Variants in STK35 observed in about 807,000 individuals in gnomAD.
STK35 encodes serine/threonine kinase 35.
A neutral mutation model predicts 37.3 loss-of-function variants in STK35; 17 were observed. That is an observed-to-expected ratio of 0.46 (90% CI 0.31 to 0.68). The LOEUF is 0.68. Among genes scored for constraint, STK35 ranks in the 30% least tolerant of loss-of-function variants. STK35 has a pLI of 0.05. For missense variants in STK35, 595 were observed against 746.7 expected, an observed-to-expected ratio of 0.80 and a Z score of 2.37; for synonymous variants, 385 against 319.1, an observed-to-expected ratio of 1.21 and a Z score of -2.20.
intron 1 of STK35, 97 bp downstream of exon 1, chr20:2,102,272 C>T: frequency 1.5e-6 from 2 of 1,361,194 alleles, no homozygotes; most frequent in Non-Finnish European, 1.9e-6. Flanking sequence ...CTCGGCCAGT[C>T]GCACTCCGAG....
chr20:2,130,209 G>A (rs1047276912), intron 3 of STK35, among the ~76,000 whole-genome samples: 7 of 152,126 alleles, frequency 4.6e-5, no homozygotes, highest in African/African-American at 1.7e-4. Context: ...TCTCTCCTGC[G>A]TGGGTGTTTG....
intron 3 of STK35, among the ~76,000 whole-genome samples, chr20:2,141,906 A>T (rs1007921442): frequency 7.2e-5 from 11 of 152,174 alleles, no homozygotes; most frequent in African/African-American, 2.7e-4. Flanking sequence ...GTGAGTTGTT[A>T]TATTTCAGTG....
At chr20:2,138,937 G>C (rs932245649) in intron 3 of STK35, among the ~76,000 whole-genome samples, 1 of 152,202 alleles carries the variant, frequency 6.6e-6, no homozygotes, top group East Asian at 1.9e-4. Context: ...TGAGGCAGGA[G>C]GGTTGTTGAG....
At chr20:2,118,201 G>C (rs1985753408) in intron 3 of STK35, among the ~76,000 whole-genome samples, 1 of 152,058 alleles carries the variant, frequency 6.6e-6, no homozygotes, top group African/African-American at 2.4e-5. Context: ...TGGCTTTTCA[G>C]GGACTGTATG....
rs534494781 is a variant in STK35, at chr20:2,125,887, G to A, written c.*37+8472G>A. On this transcript the variant is annotated intron_variant, in intron 3 of 3. Coordinates refer to ENST00000381482, the MANE Select transcript of STK35 (RefSeq NM_080836.4). ...GCACACCTCCACCCACCGGCAGCTG[G>A]GAAAGCACCCAGCACTGAGGGAATG... is the stretch of plus-strand genomic sequence containing the variant. Among the ~76,000 whole-genome samples, 9 of 152,308 alleles carry A rather than the reference G, an allele frequency of 5.9e-5. No individual in the cohort carries two copies. The East Asian group carries it at 1.2e-3, about 20-fold the overall frequency.
intron 3 of STK35, among the ~76,000 whole-genome samples, chr20:2,124,692 G>A (rs1985874815): frequency 1.3e-5 from 2 of 152,274 alleles, no homozygotes; most frequent in Middle Eastern, 3.4e-3. Flanking sequence ...TGAAGAGTCA[G>A]AGTGTTTGGT....
Position 2,118,652 on chromosome 20 carries a change from G to A in STK35, c.*37+1237G>A, listed in dbSNP as rs1007204138. Among the ~76,000 whole-genome samples the A allele has an allele frequency of 9.2e-5, 14 of 152,280 alleles. 1 individual carries two copies. In the East Asian group the frequency reaches 2.7e-3, roughly 29 times the overall value. Reference sequence around the variant, plus strand: ...TCATGCTCCGCATGAACAACGTTTTGGTCAAAAAGGAATGGCCTATATGAC... The same window carrying A: ...TCATGCTCCGCATGAACAACGTTTTAGTCAAAAAGGAATGGCCTATATGAC... On this transcript the variant is annotated intron_variant, in intron 3 of 3. Coordinates refer to ENST00000381482, the MANE Select transcript of STK35 (RefSeq NM_080836.4).
At chr20:2,137,476 G>A (rs1986105728) in intron 3 of STK35, among the ~76,000 whole-genome samples, 1 of 152,190 alleles carries the variant, frequency 6.6e-6, no homozygotes, top group Non-Finnish European at 1.5e-5. Flanking sequence ...GTGGACCTGT[G>A]GTCTTCTGGG....
intron 3 of STK35, among the ~76,000 whole-genome samples, chr20:2,139,038 G>A (rs1473991716): frequency 1.3e-5 from 2 of 152,138 alleles, no homozygotes; most frequent in Non-Finnish European, 2.9e-5. Context: ...AGAAAAGAAA[G>A]CAAAAGGTAA....
In STK35 at chr20:2,128,759, A is replaced by G. The variant is rs143785408; in HGVS notation, c.*37+11344A>G. Among the ~76,000 whole-genome samples the G allele has an allele frequency of 5.6e-3, 855 of 152,264 alleles. 8 individuals carry two copies. Among genetic ancestry groups the G allele is most frequent in the African/African-American group, 0.019 (804 of 41,548 alleles). On this transcript the variant is annotated intron_variant, in intron 3 of 3. Transcript: ENST00000381482. ...TGGTAGGGAGGTCACCCCTAGAGGA[A>G]GGAGAAATTGAGAAGCAACAGGGCA...
Position 2,117,432 on chromosome 20 carries a change from GTTGTTTT to G in STK35, c.*37+32_*37+38del, listed in dbSNP as rs981202508. ...TTAAACTAGGTGAGTGCTCTCTGTTGTTGTTTTTTGTTTTTTGTTTTGAGACAGGGTC... is the reference window on the plus strand; with the variant it reads ...TTAAACTAGGTGAGTGCTCTCTGTTGTTGTTTTTTGTTTTGAGACAGGGTC... On this transcript the variant is annotated intron_variant, in intron 3 of 3. Transcript: ENST00000381482. This position sits in a 1 kb window ranked among gnomAD's most constrained non-coding sequence, Gnocchi z 4.4. The G allele has an allele frequency of 1.1e-5, 16 of 1,442,896 alleles. No individual in the cohort carries two copies. Among genetic ancestry groups the G allele is most frequent in the African/African-American group, 8.6e-5 (6 of 69,736 alleles). The allele number at this position is 1,442,896 out of a possible 1,614,324, so 89.4% of individuals were successfully genotyped here. A position where few individuals can be genotyped will look rare whatever the true frequency, so the allele number is the denominator to read the frequency against.
chr20:2,140,320 A>G (rs982777308), intron 3 of STK35, among the ~76,000 whole-genome samples: 3 of 152,166 alleles, frequency 2.0e-5, no homozygotes, highest in African/African-American at 7.2e-5. Flanking sequence ...CTGAGCAGTC[A>G]GGGAGCTGAG....
intron 3 of STK35, among the ~76,000 whole-genome samples, chr20:2,121,147 T>C (rs1985809610): frequency 6.6e-6 from 1 of 152,198 alleles, no homozygotes; most frequent in Non-Finnish European, 1.5e-5. Context: ...CTCTAGAGAT[T>C]TTGGCTTGTG....
At chr20:2,104,363 G>T (rs6081962) in intron 2 of STK35, among the ~76,000 whole-genome samples, 1 of 151,936 alleles carries the variant, frequency 6.6e-6, no homozygotes, top group Non-Finnish European at 1.5e-5. Flanking sequence ...GTAATTTTTA[G>T]GTAATAACTT....
intron 3 of STK35, among the ~76,000 whole-genome samples, chr20:2,137,409 C>T (rs1414868485): frequency 6.6e-6 from 1 of 152,194 alleles, no homozygotes; most frequent in Non-Finnish European, 1.5e-5. Flanking sequence ...TGGATATCTG[C>T]CTGTGGGTGA....
At chr20:2,142,988 A>T (rs1986196305) in intron 3 of STK35, among the ~76,000 whole-genome samples, 1 of 152,218 alleles carries the variant, frequency 6.6e-6, no homozygotes, top group Non-Finnish European at 1.5e-5. Context: ...CAGTTTCCAA[A>T]TAATAGCCAA....
chr20:2,105,278 A>G (rs186865937), intron 2 of STK35, among the ~76,000 whole-genome samples: 5 of 152,284 alleles, frequency 3.3e-5, no homozygotes, highest in Non-Finnish European at 4.4e-5. Flanking sequence ...TTTACTGCCA[A>G]TGAATGGTCT....
intron 3 of STK35, among the ~76,000 whole-genome samples, chr20:2,136,532 T>C (rs1397067139): frequency 6.6e-6 from 1 of 152,192 alleles, no homozygotes; most frequent in Non-Finnish European, 1.5e-5. Flanking sequence ...GGATTTTCAG[T>C]GGGAACGTGT....
intron 2 of STK35, among the ~76,000 whole-genome samples, chr20:2,107,995 T>A (rs551236334): frequency 6.6e-6 from 1 of 152,290 alleles, no homozygotes; most frequent in South Asian, 2.1e-4. Flanking sequence ...ACCGTGATTA[T>A]CTTCATTTTA....
Sources: gnomAD v4.1 joint callset for allele counts (sites outside exome capture counted in the v4.1 genomes callset) on GRCh38, gnomAD v4.1.1 for gene constraint, Gnocchi (gnomAD v3.1) non-coding constraint, MANE v1.5 for transcripts, NCBI Gene and HGNC (gene_info 2026-07-23, HGNC 2026-07-21) for gene names.